The following NUDCD2 variants were observed in gnomAD, a reference collection of about 807,000 sequenced individuals.
NUDCD2 encodes NudC domain containing 2, also known as nudC domain-containing protein 2.
Under a neutral mutation model 20.8 loss-of-function variants are expected in NUDCD2, and 16 were observed. The observed-to-expected ratio is 0.77, with a 90% confidence interval of 0.52 to 1.17. The LOEUF (loss-of-function observed/expected upper bound fraction) is 1.17. Ranked by LOEUF, NUDCD2 falls within the 50% of genes most tolerant of loss-of-function variation. The pLI, the probability that NUDCD2 is intolerant of heterozygous loss-of-function variation, is 0.00. For missense variants in NUDCD2, 199 were observed against 193.9 expected (o/e 1.03, Z -0.16); for synonymous variants, 87 against 72.8 (o/e 1.20, Z -1.00).
At chr5:163,454,845 G>C (rs1433985617) in intron 3 of NUDCD2, among the ~76,000 whole-genome samples, 1 of 150,944 alleles carries the variant, frequency 6.6e-6, no homozygotes, top group Non-Finnish European at 1.5e-5. Flanking sequence ...GAATTCAAGA[G>C]TGAAAAAAAA....
chr5:163,459,773 C>A, intron 1 of NUDCD2, 89 bp downstream of exon 1: 1 of 1,176,006 alleles, frequency 8.5e-7, no homozygotes. Context: ...GCCACAGGAG[C>A]CGTCGGGACA....
At chr5:163,459,295 T>C (rs924203000) in intron 1 of NUDCD2, 2 of 152,146 alleles carry the variant, frequency 1.3e-5, no homozygotes, top group Admixed American at 6.5e-5. Context: ...TGAAAAGAAA[T>C]AAAAGGAGTA....
chr5:163,458,816 AT>A (rs5872823), intron 1 of NUDCD2, among the ~76,000 whole-genome samples: 59,080 of 151,862 alleles, frequency 0.39, 12,552 homozygotes, highest in African/African-American at 0.57. Context: ...TTACTAATTT[AT>A]AATCGTAATC....
At chr5:163,459,501 T>C (rs2113435938) in intron 1 of NUDCD2, 1 of 156,552 alleles carries the variant, frequency 6.4e-6, no homozygotes, top group East Asian at 1.9e-4. Flanking sequence ...GTACAGGAGC[T>C]TAACCTCTCC....
At chr5:163,455,269 A>C (rs541230093) in intron 3 of NUDCD2, among the ~76,000 whole-genome samples, 2 of 152,374 alleles carry the variant, frequency 1.3e-5, no homozygotes, top group African/African-American at 4.8e-5. Context: ...AGAGCATTGC[A>C]GTCAGGATAG....
At chr5:163,457,910 A>C (rs1026885158) in intron 1 of NUDCD2, among the ~76,000 whole-genome samples, 1 of 152,004 alleles carries the variant, frequency 6.6e-6, no homozygotes, top group Non-Finnish European at 1.5e-5. Flanking sequence ...TAATATCTGA[A>C]ATGCTTTAAT....
chr5:163,457,621 A>G lies in NUDCD2; in HGVS notation c.190-11T>C. ...ATCAAAGAGTTTGCCCTGAAAAATA[A>G]ACATATAAGGTGCTAAAAATACAGA... is the stretch of plus-strand genomic sequence containing the variant. On this transcript the variant is annotated splice_polypyrimidine_tract_variant and intron_variant, in intron 1 of 3. Coordinates refer to ENST00000302764, the MANE Select transcript of NUDCD2 (RefSeq NM_145266.6). 2 of 1,553,290 alleles carry G rather than the reference A, an allele frequency of 1.3e-6. No individual in the cohort carries two copies. Among genetic ancestry groups the G allele is most frequent in the Admixed American group, 1.7e-5 (1 of 59,514 alleles).
At chr5:163,456,293 T>C (rs1353596716) in intron 3 of NUDCD2, among the ~76,000 whole-genome samples, 2 of 152,208 alleles carry the variant, frequency 1.3e-5, no homozygotes, top group Admixed American at 6.5e-5. Flanking sequence ...ACTTGAGTAG[T>C]TTCACAGAGA....
At chr5:163,455,623 G>A (rs144200540) in intron 3 of NUDCD2, among the ~76,000 whole-genome samples, 12,910 of 152,048 alleles carry the variant, frequency 0.085, 710 homozygotes, top group African/African-American at 0.17. Flanking sequence ...AATTAGCCGT[G>A]CGTGGTGGCG....
rs1336272985 is a variant in NUDCD2, at chr5:163,447,254, C to G, written c.*6713G>C. 7 of 152,560 alleles carry G rather than the reference C, an allele frequency of 4.6e-5. No homozygotes were observed. Among genetic ancestry groups the G allele is most frequent in the Non-Finnish European group, 4.4e-5 (3 of 68,076 alleles). 9.5% of individuals were successfully genotyped at this position (152,560 alleles called of 1,614,324 possible). A position where few individuals can be genotyped will look rare whatever the true frequency, so the allele number is the denominator to read the frequency against. Reference sequence around the variant, plus strand: ...ATTGCTTGAGGCCAAGAGTTCAAGACCAGCCTACTCAACATAGGGAGACCC... The same window carrying G: ...ATTGCTTGAGGCCAAGAGTTCAAGAGCAGCCTACTCAACATAGGGAGACCC... On this transcript the variant is annotated 3_prime_UTR_variant, in exon 4 of 4. Coordinates refer to ENST00000302764, the MANE Select transcript of NUDCD2 (RefSeq NM_145266.6).
intron 3 of NUDCD2, among the ~76,000 whole-genome samples, chr5:163,456,618 C>G (rs1758318204): frequency 6.6e-6 from 1 of 152,004 alleles, no homozygotes; most frequent in Admixed American, 6.6e-5. Flanking sequence ...GTGAAGGGGC[C>G]TTTCACTTTT....
rs1378897296 is a variant in NUDCD2 at position 163,457,977 on chromosome 5, GTCTT to G, written c.190-371_190-368del. Among the ~76,000 whole-genome samples, 5 of 84,840 alleles carry G rather than the reference GTCTT, an allele frequency of 5.9e-5. No homozygotes were observed. The East Asian group carries it at 2.1e-3, about 36-fold the overall frequency. 55.7% of individuals were successfully genotyped at this position (84,840 alleles called of 152,430 possible). A position where few individuals can be genotyped will look rare whatever the true frequency, so the allele number is the denominator to read the frequency against. On this transcript the variant is annotated intron_variant, in intron 1 of 3. Transcript: ENST00000302764. ...TCTCCTGCTAAAACTAAAAAATGTT[GTCTT>G]TTTTTTTTTTTTTTTTTTTTTTTTT... is the stretch of plus-strand genomic sequence containing the variant.
At chr5:163,455,361 G>A (rs1053749640) in intron 3 of NUDCD2, among the ~76,000 whole-genome samples, 5 of 152,250 alleles carry the variant, frequency 3.3e-5, no homozygotes, top group African/African-American at 1.2e-4. Context: ...AGGGATAGCT[G>A]TAAGGGAGGA....
intron 1 of NUDCD2, chr5:163,459,152 G>A (rs906344810): frequency 2.0e-5 from 3 of 152,168 alleles, no homozygotes; most frequent in African/African-American, 7.2e-5. Context: ...GAAACAAGTA[G>A]TCTCCCTTCA....
intron 1 of NUDCD2, 133 bp downstream of exon 1, chr5:163,459,729 C>A: frequency 4.1e-6 from 3 of 723,296 alleles, no homozygotes; most frequent in South Asian, 1.9e-5. Flanking sequence ...CAGACCCAAA[C>A]CTGGTCAGTG....
chr5:163,457,609 C>T lies in NUDCD2; in HGVS notation c.191G>A (p.Gly64Asp). ...AGCTATTGTAGAATCAAAGAGTTTGCCCTGAAAAATAAACATATAAGGTGC... is the reference window on the plus strand; with the variant it reads ...AGCTATTGTAGAATCAAAGAGTTTGTCCTGAAAAATAAACATATAAGGTGC... ...LSVGGREILK[G>D]KLFDSTIADE... The change falls in exon 2 of 4, where the codon GGC (glycine) becomes GAC (aspartate). Residue 64 changes from glycine to aspartate, a missense_variant and splice_region_variant. Coordinates refer to ENST00000302764, the MANE Select transcript of NUDCD2 (RefSeq NM_145266.6). 1.9e-6 allele frequency: 3 copies of T among 1,581,666 alleles called. No homozygotes were observed. The highest frequency in any genetic ancestry group is 2.6e-6 in the Non-Finnish European group (3 of 1,151,442).
rs1366418907 is a variant in NUDCD2, at chr5:163,450,059, T to TA, written c.*3907dup. On this transcript the variant is annotated 3_prime_UTR_variant, in exon 4 of 4. Coordinates refer to ENST00000302764, the MANE Select transcript of NUDCD2 (RefSeq NM_145266.6). ...CGTTGAGGTCAGTTCAAGACCAGCC[T>TA]AGCCTATATGGTGAAATCCCAACTC... 6.6e-6 allele frequency: 1 copy of TA among 152,034 alleles called. No individual in the cohort carries two copies. The highest frequency in any genetic ancestry group is 1.5e-5 in the Non-Finnish European group (1 of 68,034). The allele number at this position is 152,034 out of a possible 1,614,324, so 9.4% of individuals were successfully genotyped here.
At position 163,451,093 on chromosome 5, in the gene NUDCD2, G is replaced by A. The variant is rs1758164794; in HGVS notation, c.*2874C>T. ...AAATGTCCAGAATAAGGAAATCTAT[G>A]AGATGAAAAGAGGTAGTATGGATGG... On this transcript the variant is annotated 3_prime_UTR_variant, in exon 4 of 4. Transcript: ENST00000302764. The A allele has an allele frequency of 6.6e-6, 1 of 152,194 alleles. No homozygotes were observed. Among genetic ancestry groups the A allele is most frequent in the Non-Finnish European group, 1.5e-5 (1 of 68,028 alleles). 9.4% of individuals were successfully genotyped at this position (152,194 alleles called of 1,614,324 possible).
rs1346316165 is a variant in NUDCD2 at position 163,453,902 on chromosome 5, A to C, written c.*65T>G. The C allele has an allele frequency of 6.1e-6, 5 of 818,960 alleles. No homozygotes were observed. In the African/African-American group the frequency reaches 8.8e-5, roughly 14 times the overall value. 50.7% of individuals were successfully genotyped at this position (818,960 alleles called of 1,614,324 possible). A position where few individuals can be genotyped will look rare whatever the true frequency, so the allele number is the denominator to read the frequency against. ...CATCCGCATTTTTCTTCCATTACAT[A>C]ATCTGTTTATCTGATTAAGTTGGCA... On this transcript the variant is annotated 3_prime_UTR_variant, in exon 4 of 4. Coordinates refer to ENST00000302764, the MANE Select transcript of NUDCD2 (RefSeq NM_145266.6).
Sources: allele counts gnomAD v4.1 joint callset (sites outside exome capture counted in the v4.1 genomes callset), GRCh38; gene constraint gnomAD v4.1.1; transcripts MANE v1.5; gene names NCBI Gene and HGNC (gene_info 2026-07-23, HGNC 2026-07-21).